Variants in CACNA1C observed in about 807,000 individuals in gnomAD.
CACNA1C encodes the protein calcium voltage-gated channel subunit alpha1 C, also known as voltage-dependent L-type calcium channel subunit alpha-1C.
In CACNA1C, 30 loss-of-function variants were observed where a neutral mutation model predicts 229.0. The ratio of observed to expected loss-of-function variants is 0.13; its 90% confidence interval spans 0.10 to 0.18. The LOEUF (loss-of-function observed/expected upper bound fraction) is 0.18, where lower values mean the gene tolerates loss of function less well. Ranked by LOEUF, CACNA1C falls within the 10% of genes least tolerant of loss-of-function variation. CACNA1C has a pLI of 1.00. For synonymous variants in CACNA1C, 1,114 were observed against 1,132.5 expected, an observed-to-expected ratio of 0.98 and a Z score of 0.33; for missense variants, 1,658 against 2,845.0, an observed-to-expected ratio of 0.58 and a Z score of 9.49.
At chr12:1,998,159 T>C (rs1170078759) in intron 1 of CACNA1C, among the ~76,000 whole-genome samples, 2 of 152,228 alleles carry the variant, frequency 1.3e-5, no homozygotes, top group Admixed American at 1.3e-4. Context: ...CTCTGCAGAT[T>C]AGGCAGCAGG....
Position 2,479,649 on chromosome 12 carries a change from G to T in CACNA1C, c.758-6455G>T, listed in dbSNP as rs2099659804. 6.6e-6 allele frequency among the ~76,000 whole-genome samples: 1 copy of T among 152,192 alleles called. No homozygotes were observed. On this transcript the variant is annotated intron_variant, in intron 5 of 46. Transcript: ENST00000399655. This position sits in a 1 kb window ranked among gnomAD's most constrained non-coding sequence, Gnocchi z 4.3. ...AAGGACAGCCAGTTCAAGTTAAGGA[G>T]CAGCTTTCTAAAACTCCATGTCCTG...
intron 3 of CACNA1C, among the ~76,000 whole-genome samples, chr12:2,405,779 A>C (rs999254401): frequency 6.6e-6 from 1 of 152,194 alleles, no homozygotes; most frequent in Non-Finnish European, 1.5e-5. Flanking sequence ...TTTTTGCTTC[A>C]ACTGTCAAAA....
At chr12:2,604,977 A>G (rs1477845670) in intron 22 of CACNA1C, 104 bp from the exon 23 acceptor site, 10 of 823,136 alleles carry the variant, frequency 1.2e-5, no homozygotes, top group Admixed American at 9.5e-5. Context: ...ATGTTTTCTC[A>G]GGTTTGCCTC....
intron 1 of CACNA1C, among the ~76,000 whole-genome samples, chr12:1,977,978 G>T (rs1036365695): frequency 9.2e-5 from 14 of 151,952 alleles, no homozygotes; most frequent in African/African-American, 3.4e-4. Context: ...TTTCATTCTA[G>T]AGAAAGCACT....
At chr12:2,378,717 T>C (rs140532852) in intron 3 of CACNA1C, among the ~76,000 whole-genome samples, 257 of 152,360 alleles carry the variant, frequency 1.7e-3, no homozygotes, top group African/African-American at 5.9e-3. Flanking sequence ...CACAGGCTAC[T>C]AAATCTTCAT....
At chr12:2,376,150 G>A (rs2098056069) in intron 3 of CACNA1C, among the ~76,000 whole-genome samples, 1 of 152,142 alleles carries the variant, frequency 6.6e-6, no homozygotes, top group Non-Finnish European at 1.5e-5. Flanking sequence ...GGCCAGAGTC[G>A]CCCCTTCAGT....
chr12:2,149,489 G>A (rs1246474910), intron 3 of CACNA1C, among the ~76,000 whole-genome samples: 1 of 152,194 alleles, frequency 6.6e-6, no homozygotes, highest in Non-Finnish European at 1.5e-5. Flanking sequence ...CCTGGCTGTA[G>A]GAATGCTCTA....
At chr12:2,166,941 C>T (rs118017994) in intron 3 of CACNA1C, among the ~76,000 whole-genome samples, 1,814 of 152,286 alleles carry the variant, frequency 0.012, 15 homozygotes, top group Non-Finnish European at 0.021. Context: ...CTACACCAGA[C>T]GTAGTAACAG....
At chr12:2,241,847 C>T (rs1414864845) in intron 3 of CACNA1C, among the ~76,000 whole-genome samples, 3 of 152,176 alleles carry the variant, frequency 2.0e-5, no homozygotes, top group Non-Finnish European at 1.5e-5. Flanking sequence ...GTGCCTGGCA[C>T]GCAGTGGGTC....
intron 3 of CACNA1C, among the ~76,000 whole-genome samples, chr12:2,263,206 A>C (rs1220673918): frequency 6.6e-6 from 1 of 151,648 alleles, no homozygotes; most frequent in Non-Finnish European, 1.5e-5. Flanking sequence ...CCAGGTGCAG[A>C]GGCCCTCAGG....
At chr12:2,093,599 G>A (rs753632670) in intron 1 of CACNA1C, among the ~76,000 whole-genome samples, 3 of 152,212 alleles carry the variant, frequency 2.0e-5, no homozygotes, top group Admixed American at 6.5e-5. Flanking sequence ...TCATGTGGGG[G>A]ACTTGCCTCC....
chr12:2,202,220 T>C (rs1464048582), intron 3 of CACNA1C, among the ~76,000 whole-genome samples: 2 of 152,200 alleles, frequency 1.3e-5, no homozygotes, highest in Non-Finnish European at 2.9e-5. Flanking sequence ...TCAGTCTTTG[T>C]CTTTCCACAC....
At chr12:2,607,292 C>A in intron 26 of CACNA1C, 162 bp downstream of exon 26, 1 of 653,088 alleles carries the variant, frequency 1.5e-6, no homozygotes, top group Non-Finnish European at 2.5e-6. Flanking sequence ...ACTTACAGTC[C>A]ACTGTCACTG....
intron 3 of CACNA1C, among the ~76,000 whole-genome samples, chr12:2,256,346 CAT>C (rs2077812838): frequency 6.6e-6 from 1 of 152,188 alleles, no homozygotes; most frequent in Non-Finnish European, 1.5e-5. Context: ...GACTTAAACA[CAT>C]AATTGGAACT....
intron 13 of CACNA1C, among the ~76,000 whole-genome samples, chr12:2,569,308 A>C (rs58752720): frequency 0.067 from 10,161 of 152,198 alleles, 679 homozygotes; most frequent in African/African-American, 0.15. Flanking sequence ...TTTAAAACAT[A>C]CTGAAATATA....
At chr12:2,407,351 TGCA>T (rs1454292865) in intron 3 of CACNA1C, among the ~76,000 whole-genome samples, 2 of 114,170 alleles carry the variant, frequency 1.8e-5, no homozygotes, top group Admixed American at 9.4e-5. Context: ...CTGATAAGTG[TGCA>T]GTGGACATCG....
At position 2,691,458 on chromosome 12, in the gene CACNA1C, C is replaced by CA. The variant is rs2097787455; in HGVS notation, c.*260dup. On this transcript the variant is annotated 3_prime_UTR_variant, in exon 47 of 47. Coordinates refer to ENST00000399655, the MANE Select transcript of CACNA1C (RefSeq NM_000719.7). ...AAGGCGCCTGCCCTCTCCCAGCTCG[C>CA]AGGCCCCGGGCCCGGCCGCGCCTCC... 2.6e-6 allele frequency: 1 copy of CA among 378,514 alleles called. No homozygotes were observed. Among genetic ancestry groups the CA allele is most frequent in the Admixed American group, 4.6e-5 (1 of 21,916 alleles). The allele number at this position is 378,514 out of a possible 1,614,324, so 23.4% of individuals were successfully genotyped here.
chr12:2,645,736 G>A (rs974997464), intron 30 of CACNA1C, among the ~76,000 whole-genome samples: 3 of 152,146 alleles, frequency 2.0e-5, no homozygotes, highest in African/African-American at 4.8e-5. Context: ...TGATTTCATC[G>A]CGAGTGGTTA....
intron 42 of CACNA1C, among the ~76,000 whole-genome samples, chr12:2,681,477 G>A (rs919740798): frequency 5.3e-5 from 8 of 152,140 alleles, no homozygotes; most frequent in East Asian, 3.9e-4. Context: ...CAAGGCTAAC[G>A]GCAGCTCTAG....
Sources: gnomAD v4.1 joint callset for allele counts (sites outside exome capture counted in the v4.1 genomes callset) on GRCh38, gnomAD v4.1.1 for gene constraint, Gnocchi (gnomAD v3.1) non-coding constraint, MANE v1.5 for transcripts, NCBI Gene and HGNC (gene_info 2026-07-23, HGNC 2026-07-21) for gene names.